Variants in GAD1 observed in about 807,000 individuals in gnomAD.
GAD1 encodes the protein 67 kDa glutamic acid decarboxylase.
In GAD1, 35 loss-of-function variants were observed where a neutral mutation model predicts 75.2. The observed-to-expected ratio is 0.47, with a 90% CI of 0.36 to 0.62. The LOEUF (loss-of-function observed/expected upper bound fraction) is 0.62, where lower values mean the gene tolerates loss of function less well. Ranked by LOEUF, GAD1 falls within the 20% of genes least tolerant of loss-of-function variation. The pLI, the probability that GAD1 is intolerant of heterozygous loss-of-function variation, is 0.00. For missense variants in GAD1, 490 were observed against 758.5 expected (o/e 0.65, Z 4.16); for synonymous variants, 257 against 271.9 (o/e 0.95, Z 0.54).
At chr2:170,840,522 A>T (rs923163719) in intron 6 of GAD1, among the ~76,000 whole-genome samples, 3 of 151,946 alleles carry the variant, frequency 2.0e-5, no homozygotes, top group Admixed American at 1.3e-4. Context: ...ATTGTAGCAC[A>T]TGGCTCCCAT....
intron 7 of GAD1, 83 bp from the exon 8 acceptor site, chr2:170,845,423 C>T (rs371044971): frequency 3.1e-5 from 37 of 1,205,174 alleles, no homozygotes; most frequent in African/African-American, 2.5e-4. Flanking sequence ...TCCCTTGTCT[C>T]TTGAGACACC....
intron 3 of GAD1, among the ~76,000 whole-genome samples, chr2:170,825,759 C>A (rs934290222): frequency 6.6e-6 from 1 of 152,202 alleles, no homozygotes; most frequent in African/African-American, 2.4e-5. Context: ...TAGCACCCAA[C>A]CAAACACAAC....
In GAD1 at chr2:170,818,504, G is replaced by A; in HGVS notation, c.-63-25G>A. ...GTGCAGGACCCCGGAAGTCCTCCCC[G>A]CACAGCTCTCGCTTCTCTTTGCAGC... On this transcript the variant is annotated intron_variant, in intron 1 of 16. Coordinates refer to ENST00000358196, the MANE Select transcript of GAD1 (RefSeq NM_000817.3). This position sits in a 1 kb window ranked among gnomAD's most constrained non-coding sequence, Gnocchi z 5.9. The A allele has an allele frequency of 4.7e-6, 6 of 1,274,574 alleles. No homozygotes were observed. Among genetic ancestry groups the A allele is most frequent in the Admixed American group, 1.7e-5 (1 of 59,566 alleles). 79.0% of individuals were successfully genotyped at this position (1,274,574 alleles called of 1,614,324 possible). A position where few individuals can be genotyped will look rare whatever the true frequency, so the allele number is the denominator to read the frequency against.
At position 170,857,039 on chromosome 2, in the gene GAD1, C is replaced by G; in HGVS notation, c.1435C>G (p.Gln479Glu). Reference sequence around the variant, plus strand: ...ACAGGGCACAGTGGGATTTGAAAACCAGATCAACAAATGCCTGGAACTGGC... The same window carrying G: ...ACAGGGCACAGTGGGATTTGAAAACGAGATCAACAAATGCCTGGAACTGGC... The part of the protein sequence containing the change: ...KAKGTVGFEN[Q>E]INKCLELAEY... The change falls in exon 15 of 17, where the codon CAG becomes GAG. Residue 479 changes from glutamine (Q) to glutamate (E), a missense_variant. Physicochemically the swap from Gln to Glu is conservative, Grantham distance 29 (BLOSUM62 2). This residue lies in a region of GAD1 where 324 missense variants were observed against 523.9 expected (regional missense o/e 0.62). Coordinates refer to ENST00000358196, the MANE Select transcript of GAD1 (RefSeq NM_000817.3). The G allele has an allele frequency of 1.2e-6, 2 of 1,613,882 alleles. No individual in the cohort carries two copies. Among genetic ancestry groups the G allele is most frequent in the Non-Finnish European group, 1.7e-6 (2 of 1,179,898 alleles).
At chr2:170,820,289 A>C (rs3791875) in intron 2 of GAD1, among the ~76,000 whole-genome samples, 6,501 of 152,300 alleles carry the variant, frequency 0.043, 414 homozygotes, top group East Asian at 0.28. Flanking sequence ...GGTAGGAGAC[A>C]CAACAGAGGC....
intron 3 of GAD1, chr2:170,829,233 G>C (rs891789937): frequency 1.8e-6 from 1 of 553,772 alleles, no homozygotes; most frequent in South Asian, 2.0e-5. Context: ...GAGGAGAACG[G>C]GCTTCACTTA....
At chr2:170,842,532 T>A (rs1399783525) in intron 6 of GAD1, 14 of 1,602,602 alleles carry the variant, frequency 8.7e-6, no homozygotes, top group Non-Finnish European at 1.2e-5. Context: ...CAGCACAGGC[T>A]AAACCAGGAA....
intron 2 of GAD1, among the ~76,000 whole-genome samples, chr2:170,821,118 A>AG (rs1400793541): frequency 5.9e-5 from 9 of 152,244 alleles, no homozygotes; most frequent in African/African-American, 2.2e-4. Flanking sequence ...GCGAAGCTGG[A>AG]GGCACCAGTC....
rs1231808394 is a variant in GAD1 at position 170,818,913 on chromosome 2, G to T, written c.82+240G>T. Among the ~76,000 whole-genome samples, 3 of 152,202 alleles carry T rather than the reference G, an allele frequency of 2.0e-5. No homozygotes were observed. The highest frequency in any genetic ancestry group is 2.0e-4 in the Admixed American group (3 of 15,278). Reference sequence around the variant, plus strand: ...GGTCCGAGCAGCGGCGATCGTTGAGGGCTTCGCGGAGGAGGAGGGGCGCGC... The same window carrying T: ...GGTCCGAGCAGCGGCGATCGTTGAGTGCTTCGCGGAGGAGGAGGGGCGCGC... On this transcript the variant is annotated intron_variant, in intron 2 of 16. Coordinates refer to ENST00000358196, the MANE Select transcript of GAD1 (RefSeq NM_000817.3). This position sits in a 1 kb window ranked among gnomAD's most constrained non-coding sequence, Gnocchi z 5.9.
At chr2:170,840,525 G>T (rs933260993) in intron 6 of GAD1, among the ~76,000 whole-genome samples, 3 of 151,998 alleles carry the variant, frequency 2.0e-5, no homozygotes, top group African/African-American at 4.8e-5. Flanking sequence ...GTAGCACATG[G>T]CTCCCATCCT....
Position 170,818,554 on chromosome 2 carries a change from G to A in GAD1, c.-38G>A. ...CCTGTTTCTGCGCCGGACCAGTCGA[G>A]GACTCTGGACAGTAGAGGCCCCGGG... is the stretch of plus-strand genomic sequence containing the variant. On this transcript the variant is annotated 5_prime_UTR_variant, in exon 2 of 17. Coordinates refer to ENST00000358196, the MANE Select transcript of GAD1 (RefSeq NM_000817.3). This position sits in a 1 kb window ranked among gnomAD's most constrained non-coding sequence, Gnocchi z 5.9. 1 of 1,587,980 alleles carries A rather than the reference G, an allele frequency of 6.3e-7. No homozygotes were observed. Among genetic ancestry groups the A allele is most frequent in the Non-Finnish European group, 8.6e-7 (1 of 1,156,136 alleles).
intron 6 of GAD1, among the ~76,000 whole-genome samples, chr2:170,843,619 CTTT>C (rs56763249): frequency 1.0e-3 from 136 of 134,160 alleles, no homozygotes; most frequent in Non-Finnish European, 1.6e-3. Flanking sequence ...TGGCAGTCAG[CTTT>C]TTTTTTTTTT....
intron 1 of GAD1, chr2:170,817,503 G>C (rs1175465110): frequency 6.6e-6 from 1 of 152,392 alleles, no homozygotes; most frequent in Non-Finnish European, 1.5e-5. Context: ...AGTGAGGTCG[G>C]AGGGAGGGTG....
chr2:170,843,545 G>A (rs1043409882), intron 6 of GAD1, among the ~76,000 whole-genome samples: 19 of 148,068 alleles, frequency 1.3e-4, no homozygotes, highest in Admixed American at 6.7e-4. Context: ...GCCTTCAGAT[G>A]TTTACATTAT....
intron 2 of GAD1, among the ~76,000 whole-genome samples, chr2:170,821,276 C>G (rs1007534233): frequency 6.6e-6 from 1 of 152,148 alleles, no homozygotes; most frequent in African/African-American, 2.4e-5. Flanking sequence ...ACCCCGAAGG[C>G]AGCAGGTAGA....
chr2:170,859,003 T>C (rs1702908631), intron 16 of GAD1, 110 bp downstream of exon 16: 3 of 991,224 alleles, frequency 3.0e-6, no homozygotes, highest in East Asian at 2.6e-5. Flanking sequence ...AAATAAAGCC[T>C]TGGGGTGGGT....
intron 14 of GAD1, among the ~76,000 whole-genome samples, chr2:170,855,110 TCAAA>T (rs1702823940): frequency 6.6e-6 from 1 of 151,414 alleles, no homozygotes; most frequent in Admixed American, 6.6e-5. Flanking sequence ...TAACTAACAC[TCAAA>T]CAACAAGATT....
At chr2:170,831,314 A>G (rs1303366844) in intron 5 of GAD1, 122 bp downstream of exon 5, 1 of 1,142,782 alleles carries the variant, frequency 8.8e-7, no homozygotes, top group Non-Finnish European at 1.3e-6. Flanking sequence ...ATAAGGCGGC[A>G]AAGTACCCAG....
At chr2:170,841,331 G>A (rs1702510981) in intron 6 of GAD1, among the ~76,000 whole-genome samples, 1 of 152,100 alleles carries the variant, frequency 6.6e-6, no homozygotes. Context: ...AAAATGATGT[G>A]CCTATCTTCA....
Sources: allele counts gnomAD v4.1 joint callset (sites outside exome capture counted in the v4.1 genomes callset), GRCh38; gene constraint gnomAD v4.1.1; regional missense constraint gnomAD v4.1.1; non-coding constraint Gnocchi (gnomAD v3.1); transcripts MANE v1.5; gene names NCBI Gene and HGNC (gene_info 2026-07-23, HGNC 2026-07-21).